Variants in VPS37A observed in about 807,000 individuals in gnomAD.
VPS37A encodes VPS37A subunit of ESCRT-I, also known as vacuolar protein sorting-associated protein 37A.
Under a neutral mutation model 49.8 loss-of-function variants are expected in VPS37A, and 30 were observed. The ratio of observed to expected loss-of-function variants is 0.60; its 90% CI spans 0.45 to 0.82. The LOEUF (loss-of-function observed/expected upper bound fraction) is 0.82. Among genes scored for constraint, VPS37A ranks in the 40% least tolerant of loss-of-function variants. VPS37A has a pLI of 0.00. For missense variants in VPS37A, 593 were observed against 464.4 expected (o/e 1.28, Z -2.55); for synonymous variants, 195 against 160.6 (o/e 1.21, Z -1.62).
At chr8:17,253,256 C>A (rs1812139925) in intron 1 of VPS37A, among the ~76,000 whole-genome samples, 1 of 152,320 alleles carries the variant, frequency 6.6e-6, no homozygotes, top group South Asian at 2.1e-4. Flanking sequence ...TGCCGTCTTC[C>A]ATTTCCATTC....
In VPS37A at chr8:17,247,146, C is replaced by G. The variant is rs1811295266; in HGVS notation, c.-99C>G. 6.6e-6 allele frequency: 10 copies of G among 1,510,068 alleles called. No homozygotes were observed. Among genetic ancestry groups the G allele is most frequent in the Non-Finnish European group, 8.9e-6 (10 of 1,119,420 alleles). 93.5% of individuals were successfully genotyped at this position (1,510,068 alleles called of 1,614,324 possible). A position where few individuals can be genotyped will look rare whatever the true frequency, so the allele number is the denominator to read the frequency against. ...TCCCCAGCGCTTGGGCCACGGACGT[C>G]CCACCCCGCTCCTCTGTCGCTGGAG... On this transcript the variant is annotated 5_prime_UTR_variant, in exon 1 of 12. Coordinates refer to ENST00000324849, the MANE Select transcript of VPS37A (RefSeq NM_152415.3).
the VPS37A span, chr8:17,311,432 G>C: frequency 3.7e-5 from 59 of 1,579,560 alleles, no homozygotes; most frequent in Admixed American, 5.3e-5. Flanking sequence ...GAAAACAGCA[G>C]TTGCCAGTAG....
chr8:17,331,410 T>G, the VPS37A span: 3 of 958,174 alleles, frequency 3.1e-6, no homozygotes, highest in Non-Finnish European at 3.0e-6. Context: ...ATACGCTTAT[T>G]TGAATCACTG....
chr8:17,327,142 C>G, the VPS37A span, among the ~76,000 whole-genome samples: 15,858 of 152,222 alleles, frequency 0.1, 912 homozygotes, highest in South Asian at 0.2. Context: ...TAGTATTTTT[C>G]ATGGATGCAA....
At chr8:17,328,670 C>G in the VPS37A span, among the ~76,000 whole-genome samples, 1 of 152,098 alleles carries the variant, frequency 6.6e-6, no homozygotes, top group East Asian at 1.9e-4. Flanking sequence ...CATCATGGCA[C>G]ACGTTCACTT....
the VPS37A span, among the ~76,000 whole-genome samples, chr8:17,311,008 A>G: frequency 2.6e-5 from 4 of 152,192 alleles, no homozygotes; most frequent in Non-Finnish European, 5.9e-5. Flanking sequence ...GCAAAGAACA[A>G]CAACAAAAGG....
intron 2 of VPS37A, among the ~76,000 whole-genome samples, chr8:17,267,540 G>C (rs951878445): frequency 6.6e-6 from 1 of 152,162 alleles, no homozygotes; most frequent in Non-Finnish European, 1.5e-5. Context: ...TAACTTGGGA[G>C]AGATGTGTCA....
rs1403619562 is a variant in VPS37A at position 17,276,391 on chromosome 8, C to A, written c.643-6C>A. 1.9e-6 allele frequency: 3 copies of A among 1,607,938 alleles called. No individual in the cohort carries two copies. The highest frequency in any genetic ancestry group is 1.3e-5 in the African/African-American group (1 of 74,478). On this transcript the variant is annotated splice_region_variant and splice_polypyrimidine_tract_variant and intron_variant, in intron 5 of 11. Coordinates refer to ENST00000324849, the MANE Select transcript of VPS37A (RefSeq NM_152415.3). ...AAATTTAATATCATTTAAAACTTTTCTTTAGACAAGCCAAAATGGTTTTGG... is the reference window on the plus strand; with the variant it reads ...AAATTTAATATCATTTAAAACTTTTATTTAGACAAGCCAAAATGGTTTTGG...
chr8:17,253,457 C>T (rs572873060), intron 1 of VPS37A, among the ~76,000 whole-genome samples: 20 of 152,288 alleles, frequency 1.3e-4, no homozygotes, highest in African/African-American at 4.8e-4. Context: ...TCCTGGTTGT[C>T]ACAGAAGATG....
the VPS37A span, chr8:17,311,642 A>G: frequency 1.2e-6 from 2 of 1,614,088 alleles, no homozygotes; most frequent in Non-Finnish European, 1.7e-6. Flanking sequence ...ACTGCCTAGA[A>G]AACACACGAT....
downstream of VPS37A, among the ~76,000 whole-genome samples, chr8:17,307,416 G>T (rs1028838623): frequency 6.6e-6 from 1 of 152,110 alleles, no homozygotes; most frequent in African/African-American, 2.4e-5. Flanking sequence ...GAAGAAATAG[G>T]AACACTTTTA....
chr8:17,247,568 G>A, intron 1 of VPS37A, 199 bp downstream of exon 1: 3 of 766,182 alleles, frequency 3.9e-6, no homozygotes, highest in Non-Finnish European at 4.5e-6. Context: ...GCCTCCTGCC[G>A]CACCACTGCT....
At chr8:17,304,891 C>G (rs1817354758), downstream of VPS37A, among the ~76,000 whole-genome samples, 1 of 152,036 alleles carries the variant, frequency 6.6e-6, no homozygotes, top group African/African-American at 2.4e-5. Context: ...TTGCTGTGAG[C>G]TCTGTCTAAT....
At chr8:17,302,990 C>T (rs767479306), downstream of VPS37A, among the ~76,000 whole-genome samples, 4 of 152,114 alleles carry the variant, frequency 2.6e-5, no homozygotes, top group African/African-American at 9.6e-5. Context: ...GGATTATAGG[C>T]GGGAGCCACC....
chr8:17,326,500 C>A, the VPS37A span: 1 of 152,184 alleles, frequency 6.6e-6, no homozygotes, highest in African/African-American at 2.4e-5. Flanking sequence ...AGAATCACTA[C>A]TCAACAACGA....
chr8:17,265,115 C>T (rs1007656803), intron 1 of VPS37A, among the ~76,000 whole-genome samples: 15 of 152,216 alleles, frequency 9.9e-5, no homozygotes, highest in Non-Finnish European at 2.2e-4. Context: ...TTCTTTCTTT[C>T]TGCCTAGCTT....
At chr8:17,328,852 A>C in the VPS37A span, among the ~76,000 whole-genome samples, 7 of 152,356 alleles carry the variant, frequency 4.6e-5, no homozygotes, top group East Asian at 1.2e-3. Flanking sequence ...ACTGAAAGGC[A>C]TCATTTTCTC....
At chr8:17,276,580 C>T (rs1040894734) in intron 6 of VPS37A, 113 bp downstream of exon 6, 1 of 1,058,730 alleles carries the variant, frequency 9.4e-7, no homozygotes, top group Admixed American at 2.9e-5. Flanking sequence ...TAATCCTAAA[C>T]AATATTGTTG....
At position 17,289,547 on chromosome 8, in the gene VPS37A, C is replaced by G. The variant is rs147313678; in HGVS notation, c.*3120C>G. The stretch of plus-strand genomic sequence containing the variant: ...TTATTTCTGAGGCCTCTGTTCTGTT[C>G]CATTGGTCTGTATGTCTGTTTTGGT... On this transcript the variant is annotated intron_variant, in intron 11 of 11. Transcript: ENST00000324849. Among the ~76,000 whole-genome samples, 405 of 152,192 alleles carry G rather than the reference C, an allele frequency of 2.7e-3. 2 individuals are homozygous for G. The highest frequency in any genetic ancestry group is 9.0e-3 in the African/African-American group (374 of 41,512).
Sources: gnomAD v4.1 joint callset for allele counts (sites outside exome capture counted in the v4.1 genomes callset) on GRCh38, gnomAD v4.1.1 for gene constraint, MANE v1.5 for transcripts, NCBI Gene and HGNC (gene_info 2026-07-23, HGNC 2026-07-21) for gene names.